The following SH3KBP1 variants were observed in gnomAD, a reference collection of about 807,000 sequenced individuals.
SH3KBP1 encodes the protein SH3 domain containing kinase binding protein 1.
SH3KBP1 carries 8 observed loss-of-function variants against 50.1 expected under a neutral mutation model. The ratio of observed to expected loss-of-function variants is 0.16; its 90% CI spans 0.09 to 0.29. The LOEUF (loss-of-function observed/expected upper bound fraction) is 0.29, where lower values mean the gene tolerates loss of function less well. Among genes scored for constraint, SH3KBP1 ranks in the 10% least tolerant of loss-of-function variants. The pLI is 1.00. For missense variants in SH3KBP1, 377 were observed against 535.2 expected (o/e 0.70, Z 2.92); for synonymous variants, 227 against 218.6 (o/e 1.04, Z -0.34).
At chrX:19,831,564 G>T (rs935711207) in intron 2 of SH3KBP1, among the ~76,000 whole-genome samples, 16 of 109,004 alleles carry the variant, frequency 1.5e-4, no homozygotes, top group African/African-American at 5.4e-4. Context: ...GGCCGAGGCA[G>T]ACGGATCACC....
At chrX:19,870,681 T>C (rs1402825198) in intron 1 of SH3KBP1, among the ~76,000 whole-genome samples, 3 of 111,671 alleles carry the variant, frequency 2.7e-5, no homozygotes, top group Non-Finnish European at 3.8e-5. Flanking sequence ...TTTGATGTCA[T>C]AGACATGACA....
chrX:19,831,521 G>A (rs1470405012), intron 2 of SH3KBP1, among the ~76,000 whole-genome samples: 2 of 108,664 alleles, frequency 1.8e-5, no homozygotes, highest in Non-Finnish European at 3.8e-5. Flanking sequence ...ACCGGGTGTG[G>A]TGGCTCACAC....
intron 2 of SH3KBP1, among the ~76,000 whole-genome samples, chrX:19,766,646 G>A (rs1384078574): frequency 1.9e-5 from 2 of 106,729 alleles, no homozygotes; most frequent in Non-Finnish European, 3.9e-5. Flanking sequence ...TGGGACTACA[G>A]GTGCCCGCCA....
intron 6 of SH3KBP1, among the ~76,000 whole-genome samples, chrX:19,671,451 T>TC (rs928565215): frequency 1.6e-4 from 17 of 109,646 alleles, no homozygotes; most frequent in Admixed American, 4.8e-4. Flanking sequence ...ATGGAAATAC[T>TC]CCCCCTAGGA....
chrX:19,684,143 C>T, intron 5 of SH3KBP1, 115 bp from the exon 6 acceptor site: 1 of 552,184 alleles, frequency 1.8e-6, no homozygotes, highest in East Asian at 3.4e-5. Context: ...CACAGGATAA[C>T]TTGCACTAGG....
intron 2 of SH3KBP1, among the ~76,000 whole-genome samples, chrX:19,778,541 C>T (rs1013856375): frequency 6.3e-5 from 7 of 110,571 alleles, no homozygotes; most frequent in African/African-American, 2.0e-4. Context: ...CGGGCAGATA[C>T]GAAGTGAATA....
chrX:19,663,373 T>C (rs1187256148), intron 6 of SH3KBP1, among the ~76,000 whole-genome samples: 3 of 111,979 alleles, frequency 2.7e-5, no homozygotes, highest in African/African-American at 6.5e-5. Flanking sequence ...TCCCAATTGA[T>C]ACATTTTTCT....
chrX:19,582,423 G>A (rs1052329204), intron 12 of SH3KBP1, among the ~76,000 whole-genome samples: 1 of 111,891 alleles, frequency 8.9e-6, no homozygotes, highest in Non-Finnish European at 1.9e-5. Context: ...GGCCGCGTGG[G>A]TGATCCATCC....
At chrX:19,595,421 T>C (rs994710263) in intron 9 of SH3KBP1, among the ~76,000 whole-genome samples, 5 of 112,416 alleles carry the variant, frequency 4.4e-5, no homozygotes, top group African/African-American at 1.6e-4. Flanking sequence ...GATGTAGGAC[T>C]CTCAACAAAA....
chrX:19,774,660 AAG>A (rs1556361915), intron 2 of SH3KBP1, among the ~76,000 whole-genome samples: 51 of 66,346 alleles, frequency 7.7e-4, no homozygotes, highest in Non-Finnish European at 8.5e-4. Context: ...AAAAAAAAGA[AAG>A]AAAGAAAGAA....
intron 12 of SH3KBP1, among the ~76,000 whole-genome samples, chrX:19,578,822 G>C (rs1488140845): frequency 8.9e-6 from 1 of 111,850 alleles, no homozygotes; most frequent in African/African-American, 3.3e-5. Context: ...CTTCCATCAG[G>C]AAAGGACAAA....
intron 6 of SH3KBP1, among the ~76,000 whole-genome samples, chrX:19,674,124 C>G (rs997653165): frequency 1.8e-5 from 2 of 111,657 alleles, no homozygotes; most frequent in Non-Finnish European, 3.8e-5. Flanking sequence ...ATACATACCC[C>G]CTTTCTCTCC....
chrX:19,823,837 T>C (rs1178965152), intron 2 of SH3KBP1, among the ~76,000 whole-genome samples: 1 of 110,794 alleles, frequency 9.0e-6, no homozygotes, highest in African/African-American at 3.4e-5. Context: ...TTTTTTTTGT[T>C]TTTTGAGATA....
chrX:19,862,217 A>C (rs1236767538), intron 1 of SH3KBP1, among the ~76,000 whole-genome samples: 2 of 112,073 alleles, frequency 1.8e-5, no homozygotes, highest in East Asian at 5.6e-4. Flanking sequence ...GCTCGGTTTT[A>C]ATTTTTCAGT....
chrX:19,750,337 G>A (rs1008153830), intron 2 of SH3KBP1, among the ~76,000 whole-genome samples: 2 of 111,829 alleles, frequency 1.8e-5, no homozygotes, highest in Non-Finnish European at 3.8e-5. Context: ...TGGGATTACA[G>A]GCGAGAGCTC....
intron 3 of SH3KBP1, among the ~76,000 whole-genome samples, chrX:19,714,051 C>G (rs1285508746): frequency 8.9e-6 from 1 of 111,986 alleles, no homozygotes; most frequent in East Asian, 2.8e-4. Flanking sequence ...ATGGATGGAA[C>G]TGGAGATCAT....
chrX:19,871,678 G>A (rs1257560908), intron 1 of SH3KBP1, among the ~76,000 whole-genome samples: 1 of 111,967 alleles, frequency 8.9e-6, no homozygotes, highest in Non-Finnish European at 1.9e-5. Flanking sequence ...AGGCCAAGGC[G>A]TTGAGATGGT....
intron 3 of SH3KBP1, among the ~76,000 whole-genome samples, chrX:19,736,554 C>G (rs914335337): frequency 4.4e-5 from 5 of 112,475 alleles, no homozygotes; most frequent in Non-Finnish European, 9.4e-5. Context: ...GCAGAGGAAG[C>G]TTCTGGCTGG....
intron 8 of SH3KBP1, among the ~76,000 whole-genome samples, chrX:19,621,073 C>CTTTTT (rs1186690221): frequency 6.4e-4 from 21 of 32,660 alleles, no homozygotes; most frequent in African/African-American, 1.1e-3. Flanking sequence ...TCTTTTCTTT[C>CTTTTT]TTTTTTTTTT....
Sources: allele counts gnomAD v4.1 joint callset (sites outside exome capture counted in the v4.1 genomes callset), GRCh38; gene constraint gnomAD v4.1.1; transcripts MANE v1.5; gene names NCBI Gene and HGNC (gene_info 2026-07-23, HGNC 2026-07-21).